The following NECTIN3 variants were observed in gnomAD, a reference collection of about 807,000 sequenced individuals.
NECTIN3 encodes the protein nectin-3.
In NECTIN3, 8 loss-of-function variants were observed where a neutral mutation model predicts 49.4. The ratio of observed to expected loss-of-function variants is 0.16; its 90% CI spans 0.10 to 0.29. The LOEUF is 0.29. NECTIN3 is among the 10% of genes least tolerant of loss of function. The pLI is 1.00. For missense variants in NECTIN3, 581 were observed against 654.6 expected, an observed-to-expected ratio of 0.89 and a Z score of 1.23; for synonymous variants, 277 against 241.1, an observed-to-expected ratio of 1.15 and a Z score of -1.38.
intron 5 of NECTIN3, among the ~76,000 whole-genome samples, chr3:111,143,552 A>G (rs1576158965): frequency 6.6e-6 from 1 of 152,086 alleles, no homozygotes. Flanking sequence ...ACTTATAAAT[A>G]TGTATTTATA....
At chr3:111,171,945 T>A (rs1330039299) in intron 7 of NECTIN3, among the ~76,000 whole-genome samples, 1 of 152,148 alleles carries the variant, frequency 6.6e-6, no homozygotes, top group Non-Finnish European at 1.5e-5. Flanking sequence ...CTGACAAGAG[T>A]TACCTAAATA....
At chr3:111,118,281 T>G (rs1446771125) in intron 2 of NECTIN3, among the ~76,000 whole-genome samples, 1 of 139,782 alleles carries the variant, frequency 7.2e-6, no homozygotes, top group Non-Finnish European at 1.6e-5. Flanking sequence ...TATATATATA[T>G]ATTATACATA....
intron 3 of NECTIN3, among the ~76,000 whole-genome samples, chr3:111,120,208 T>G (rs966912607): frequency 6.6e-6 from 1 of 152,214 alleles, no homozygotes; most frequent in African/African-American, 2.4e-5. Context: ...ATGTTTACCT[T>G]TCCAGTGTCT....
At position 111,192,405 on chromosome 3, in the gene NECTIN3, CA is replaced by C; in HGVS notation, c.56del (p.Gln19ArgfsTer20). 1 of 1,535,436 alleles carries C rather than the reference CA, an allele frequency of 6.5e-7. No homozygotes were observed. Among genetic ancestry groups the C allele is most frequent in the Non-Finnish European group, 8.7e-7 (1 of 1,146,278 alleles). On this transcript the variant is annotated frameshift_variant, in exon 1 of 2. Coordinates refer to the NECTIN3 transcript ENST00000485506. LOFTEE classifies it high-confidence loss of function. ...CAAAGAAAGAGAAGTTGGCAATCTT[CA>C]GCACTCTGTAAGTAACTGTGTTGTC...
chr3:111,192,290 TAGTG>T, upstream of NECTIN3: 1 of 1,385,380 alleles, frequency 7.2e-7, no homozygotes. Flanking sequence ...ATAGGAATCT[TAGTG>T]GTTGATATGT....
chr3:111,139,649 A>T (rs758975286), downstream of NECTIN3, among the ~76,000 whole-genome samples: 2 of 151,708 alleles, frequency 1.3e-5, no homozygotes, highest in Non-Finnish European at 3.0e-5. Flanking sequence ...ATATACCTAG[A>T]TGTCTGAATA....
At chr3:111,158,812 C>T (rs1222351036) in intron 7 of NECTIN3, among the ~76,000 whole-genome samples, 4 of 152,130 alleles carry the variant, frequency 2.6e-5, no homozygotes, top group African/African-American at 7.2e-5. Context: ...AGGCAAACCA[C>T]AGACGCAAAC....
At chr3:111,147,898 A>G (rs1186974236) in intron 7 of NECTIN3, among the ~76,000 whole-genome samples, 2 of 152,184 alleles carry the variant, frequency 1.3e-5, no homozygotes, top group Non-Finnish European at 2.9e-5. Context: ...CTTGGAGTGT[A>G]CTATATTTTA....
chr3:111,107,301 G>T (rs1476810426), intron 1 of NECTIN3, among the ~76,000 whole-genome samples: 1 of 152,108 alleles, frequency 6.6e-6, no homozygotes, highest in Non-Finnish European at 1.5e-5. Flanking sequence ...TTTCATGGTT[G>T]TAGTGTTTTT....
At chr3:111,096,396 T>A (rs1360861523) in intron 1 of NECTIN3, among the ~76,000 whole-genome samples, 3 of 152,088 alleles carry the variant, frequency 2.0e-5, no homozygotes, top group East Asian at 3.9e-4. Flanking sequence ...GTTTGGAAAA[T>A]TTGCAGCTTG....
chr3:111,134,838 AT>A lies in NECTIN3; in HGVS notation c.*627del. The A allele has an allele frequency of 2.0e-6, 2 of 982,334 alleles. No homozygotes were observed. The highest frequency in any genetic ancestry group is 2.4e-6 in the Non-Finnish European group (2 of 827,226). The allele number at this position is 982,334 out of a possible 1,614,324, so 60.9% of individuals were successfully genotyped here. Reference sequence around the variant, plus strand: ...TACTGTAGAGTGGCTTTTCAAAGATATTTTGTTGCACTAAAACTGTGGTAGT... The same window carrying A: ...TACTGTAGAGTGGCTTTTCAAAGATATTTGTTGCACTAAAACTGTGGTAGT... On this transcript the variant is annotated 3_prime_UTR_variant, in exon 6 of 6. Coordinates refer to ENST00000485303, the MANE Select transcript of NECTIN3 (RefSeq NM_015480.3).
intron 1 of NECTIN3, among the ~76,000 whole-genome samples, chr3:111,102,370 C>T (rs1390636147): frequency 1.3e-5 from 2 of 152,154 alleles, no homozygotes; most frequent in Non-Finnish European, 1.5e-5. Flanking sequence ...TTCTATAATC[C>T]TTTCATCCTA....
In NECTIN3 at chr3:111,137,280, G is replaced by A. The variant is rs755066147; in HGVS notation, c.*3065G>A. The A allele has an allele frequency of 9.1e-5, 87 of 956,932 alleles. No individual in the cohort carries two copies. Among genetic ancestry groups the A allele is most frequent in the East Asian group, 1.2e-4 (1 of 8,676 alleles). 59.3% of individuals were successfully genotyped at this position (956,932 alleles called of 1,614,324 possible). ...CCATTTTGAATTTTTAATTCTAATA[G>A]GAGAGTAGATTGTAGATTGAATTGT... On this transcript the variant is annotated 3_prime_UTR_variant, in exon 6 of 6. Transcript: ENST00000485303.
At chr3:111,158,882 T>C (rs769044566) in intron 7 of NECTIN3, among the ~76,000 whole-genome samples, 2 of 152,168 alleles carry the variant, frequency 1.3e-5, no homozygotes, top group Non-Finnish European at 2.9e-5. Context: ...GAAGAAGTCT[T>C]ACAACTCAAT....
Position 111,135,253 on chromosome 3 carries a change from A to G in NECTIN3, c.*1038A>G, listed in dbSNP as rs2034536873. The G allele has an allele frequency of 2.1e-6, 2 of 968,178 alleles. No homozygotes were observed. The highest frequency in any genetic ancestry group is 4.8e-5 in the South Asian group (1 of 20,924). 60.0% of individuals were successfully genotyped at this position (968,178 alleles called of 1,614,324 possible). A position where few individuals can be genotyped will look rare whatever the true frequency, so the allele number is the denominator to read the frequency against. On this transcript the variant is annotated 3_prime_UTR_variant, in exon 6 of 6. Coordinates refer to ENST00000485303, the MANE Select transcript of NECTIN3 (RefSeq NM_015480.3). ...TAAACTTGGAACTTTGGATATAACTAGAAAAAACTAGATTATAGAATTAGT... is the reference window on the plus strand; with the variant it reads ...TAAACTTGGAACTTTGGATATAACTGGAAAAAACTAGATTATAGAATTAGT...
intron 1 of NECTIN3, chr3:111,193,330 A>G (rs2035848735): frequency 6.5e-7 from 1 of 1,535,964 alleles, no homozygotes; most frequent in Non-Finnish European, 8.7e-7. Context: ...CATCATCAAA[A>G]TAACGACCCT....
chr3:111,084,609 T>TGTAA (rs1183178066), intron 1 of NECTIN3, among the ~76,000 whole-genome samples: 1 of 152,058 alleles, frequency 6.6e-6, no homozygotes, highest in Non-Finnish European at 1.5e-5. Flanking sequence ...ACAAGGGTGA[T>TGTAA]GTAAGGAAGG....
intron 1 of NECTIN3, among the ~76,000 whole-genome samples, chr3:111,098,303 A>G (rs1485705074): frequency 6.6e-6 from 1 of 152,196 alleles, no homozygotes; most frequent in East Asian, 1.9e-4. Context: ...GGCTTCTATA[A>G]CACATTATCA....
At chr3:111,072,248 C>T (rs912060151) in intron 1 of NECTIN3, 71 bp downstream of exon 1, 37 of 1,484,486 alleles carry the variant, frequency 2.5e-5, no homozygotes, top group Non-Finnish European at 2.7e-5. Context: ...GCGGCCGGCT[C>T]TGCCAGCCGT....
Sources: gnomAD v4.1 joint callset for allele counts (sites outside exome capture counted in the v4.1 genomes callset) on GRCh38, gnomAD v4.1.1 for gene constraint, MANE v1.5 for transcripts, NCBI Gene and HGNC (gene_info 2026-07-23, HGNC 2026-07-21) for gene names.